The following AMPD3 variants were observed in gnomAD, a reference collection of about 807,000 sequenced individuals.
AMPD3 encodes the protein adenosine monophosphate deaminase 3.
Under a neutral mutation model 82.3 loss-of-function variants are expected in AMPD3, and 57 were observed. That is an observed-to-expected ratio of 0.69 (90% CI 0.56 to 0.86). The LOEUF (loss-of-function observed/expected upper bound fraction) is 0.86, where lower values mean the gene tolerates loss of function less well. Ranked by LOEUF, AMPD3 falls within the 40% of genes least tolerant of loss-of-function variation. The pLI, the probability that AMPD3 is intolerant of heterozygous loss-of-function variation, is 0.00. For missense variants in AMPD3, 870 were observed against 1,003.8 expected, an observed-to-expected ratio of 0.87 and a Z score of 1.80; for synonymous variants, 381 against 394.7, an observed-to-expected ratio of 0.97 and a Z score of 0.41.
At chr11:10,451,826 C>T (rs369964857), upstream of AMPD3, among the ~76,000 whole-genome samples, 13 of 152,220 alleles carry the variant, frequency 8.5e-5, no homozygotes, top group Admixed American at 2.0e-4. Flanking sequence ...GAAAAGCTGC[C>T]TGCAGCTGGA....
chr11:10,463,504 C>T (rs1315612539), intron 2 of AMPD3, among the ~76,000 whole-genome samples: 1 of 152,222 alleles, frequency 6.6e-6, no homozygotes, highest in Non-Finnish European at 1.5e-5. Flanking sequence ...GAAGGGCTGA[C>T]TTCATCAAGT....
At position 10,488,391 on chromosome 11, in the gene AMPD3, GT is replaced by G. The variant is rs773650756; in HGVS notation, c.939+1028del. 17 of 985,422 alleles carry G rather than the reference GT, an allele frequency of 1.7e-5. No individual in the cohort carries two copies. The East Asian group carries it at 1.1e-3, about 66-fold the overall frequency. The allele number at this position is 985,422 out of a possible 1,614,324, so 61.0% of individuals were successfully genotyped here. ...AGTAGGAGCTTGCCAGGCAGAGGGTGTGGTAGGGGAATGGAAGTGGTGGCAT... is the reference window on the plus strand; with the variant it reads ...AGTAGGAGCTTGCCAGGCAGAGGGTGGGTAGGGGAATGGAAGTGGTGGCAT... On this transcript the variant is annotated intron_variant, in intron 6 of 14. Transcript: ENST00000396553.
At chr11:10,494,621 GCTCA>G (rs1296927622) in intron 7 of AMPD3, 14 of 985,314 alleles carry the variant, frequency 1.4e-5, no homozygotes, top group Non-Finnish European at 1.7e-5. Context: ...CAGCCTCTCT[GCTCA>G]CTAAGTCAGC....
chr11:10,484,794 T>C, intron 4 of AMPD3, 26 bp from the exon 5 acceptor site: 1 of 1,611,982 alleles, frequency 6.2e-7, no homozygotes, highest in Non-Finnish European at 8.5e-7. Flanking sequence ...AGGGGCACTT[T>C]GCCATCCCTC....
At chr11:10,503,646 C>T (rs997960004) in intron 13 of AMPD3, among the ~76,000 whole-genome samples, 2 of 152,124 alleles carry the variant, frequency 1.3e-5, no homozygotes, top group African/African-American at 4.8e-5. Flanking sequence ...TTAAAAACCA[C>T]ATCAATAAAC....
At chr11:10,464,453 C>T (rs1328855793) in intron 2 of AMPD3, among the ~76,000 whole-genome samples, 1 of 152,212 alleles carries the variant, frequency 6.6e-6, no homozygotes, top group Non-Finnish European at 1.5e-5. Flanking sequence ...ACACTTCAAC[C>T]ATAAGGCTAT....
chr11:10,452,184 G>GT (rs151276764), upstream of AMPD3, among the ~76,000 whole-genome samples: 24,146 of 149,226 alleles, frequency 0.16, 2,122 homozygotes, highest in Non-Finnish European at 0.2. Context: ...TTTTGTAGTT[G>GT]TTTTTTTTTG....
intron 13 of AMPD3, 102 bp downstream of exon 13, chr11:10,502,996 G>T: frequency 1.4e-6 from 2 of 1,396,572 alleles, no homozygotes; most frequent in East Asian, 2.4e-5. Flanking sequence ...TCTGCTTTTG[G>T]GGTGGGGTTG....
chr11:10,484,577 T>G, intron 4 of AMPD3: 5 of 884,734 alleles, frequency 5.7e-6, no homozygotes, highest in Non-Finnish European at 6.8e-6. Context: ...TTAAAGTCTC[T>G]GCCTGCATGG....
Position 10,461,187 on chromosome 11 carries a change from C to G in AMPD3, c.-5-328C>G, listed in dbSNP as rs75634960. The G allele has an allele frequency of 6.8e-4, 836 of 1,230,978 alleles. 5 individuals are homozygous for G. In the African/African-American group the frequency reaches 0.01, roughly 15 times the overall value. The allele number at this position is 1,230,978 out of a possible 1,614,324, so 76.3% of individuals were successfully genotyped here. A position where few individuals can be genotyped will look rare whatever the true frequency, so the allele number is the denominator to read the frequency against. ...GAACTCTCTCTTGTCCCTTCTCAAACATGGGAACAAAGTCAGGAGGGCAGG... is the reference window on the plus strand; with the variant it reads ...GAACTCTCTCTTGTCCCTTCTCAAAGATGGGAACAAAGTCAGGAGGGCAGG... On this transcript the variant is annotated intron_variant, in intron 1 of 14. Coordinates refer to ENST00000396553, the MANE Select transcript of AMPD3 (RefSeq NM_001025389.2).
intron 12 of AMPD3, chr11:10,502,228 G>A (rs1370972658): frequency 1.0e-6 from 1 of 985,276 alleles, no homozygotes; most frequent in African/African-American, 1.7e-5. Context: ...GGTGGGGTGG[G>A]TGCTACAGTA....
chr11:10,505,251 G>C lies in AMPD3; in HGVS notation c.2128-457G>C, dbSNP rs1305088247. 3.0e-6 allele frequency: 3 copies of C among 984,758 alleles called. No individual in the cohort carries two copies. The Admixed American group carries it at 1.9e-4, about 61-fold the overall frequency. The allele number at this position is 984,758 out of a possible 1,614,324, so 61.0% of individuals were successfully genotyped here. A position where few individuals can be genotyped will look rare whatever the true frequency, so the allele number is the denominator to read the frequency against. ...TGGGTGATGTCACTGGTTGGGAAGA[G>C]GTTGCATTAGGGGCTGTGCTCGTCG... is the stretch of plus-strand genomic sequence containing the variant. On this transcript the variant is annotated intron_variant, in intron 14 of 14. Coordinates refer to ENST00000396553, the MANE Select transcript of AMPD3 (RefSeq NM_001025389.2).
Position 10,500,814 on chromosome 11 carries a change from C to T in AMPD3, c.1721+565C>T, listed in dbSNP as rs117989846. The stretch of plus-strand genomic sequence containing the variant: ...CCAATACGCACACAGACGAGGCACA[C>T]GTGGCCAGGAGTTAGCTGCCCAGGG... On this transcript the variant is annotated intron_variant, in intron 11 of 14. Transcript: ENST00000396553. The T allele has an allele frequency of 4.2e-3, 4,181 of 985,454 alleles. 31 individuals carry two copies. The East Asian group carries it at 0.052, about 12-fold the overall frequency. 61.0% of individuals were successfully genotyped at this position (985,454 alleles called of 1,614,324 possible). A position where few individuals can be genotyped will look rare whatever the true frequency, so the allele number is the denominator to read the frequency against.
chr11:10,450,922 C>G, upstream of AMPD3: 1 of 1,281,404 alleles, frequency 7.8e-7, no homozygotes, highest in Non-Finnish European at 9.8e-7. Flanking sequence ...CCTGGCCGGG[C>G]CCTGGCCCCG....
At chr11:10,494,496 T>A in intron 7 of AMPD3, 2 of 898,582 alleles carry the variant, frequency 2.2e-6, no homozygotes, top group South Asian at 1.1e-4. Context: ...GTGTTGTACA[T>A]GCTTTATTAG....
chr11:10,474,556 G>A (rs1304976695), intron 2 of AMPD3, among the ~76,000 whole-genome samples: 1 of 152,200 alleles, frequency 6.6e-6, no homozygotes, highest in African/African-American at 2.4e-5. Flanking sequence ...GGCAACCAAG[G>A]GCCATAGAGC....
intron 10 of AMPD3, chr11:10,499,833 C>T (rs567315247): frequency 2.0e-6 from 2 of 985,450 alleles, no homozygotes; most frequent in Non-Finnish European, 2.4e-6. Flanking sequence ...CACCACCACA[C>T]AGGGGCTTGG....
intron 6 of AMPD3, chr11:10,488,410 G>A (rs925656569): frequency 2.3e-4 from 228 of 985,278 alleles, no homozygotes; most frequent in Non-Finnish European, 2.3e-4. Flanking sequence ...GAATGGAAGT[G>A]GTGGCATTCC....
At chr11:10,494,500 T>G (rs1231246065) in intron 7 of AMPD3, 1 of 901,708 alleles carries the variant, frequency 1.1e-6, no homozygotes, top group African/African-American at 2.1e-5. Flanking sequence ...TGTACATGCT[T>G]TATTAGAACA....
Sources: gnomAD v4.1 joint callset for allele counts (sites outside exome capture counted in the v4.1 genomes callset) on GRCh38, gnomAD v4.1.1 for gene constraint, MANE v1.5 for transcripts, NCBI Gene and HGNC (gene_info 2026-07-23, HGNC 2026-07-21) for gene names.